PCDHGA9: variants seen among roughly 807,000 people sequenced by gnomAD.
PCDHGA9 encodes the protein protocadherin gamma subfamily A, 9, also known as protocadherin gamma-A9.
A neutral mutation model predicts 62.5 loss-of-function variants in PCDHGA9; 37 were observed. The ratio of observed to expected loss-of-function variants is 0.59; its 90% confidence interval spans 0.46 to 0.78. The LOEUF is 0.78. Among genes scored for constraint, PCDHGA9 ranks in the 30% least tolerant of loss-of-function variants. The pLI is 0.00. For synonymous variants in PCDHGA9, 459 were observed against 484.6 expected (o/e 0.95, Z 0.69); for missense variants, 1,138 against 1,166.2 (o/e 0.98, Z 0.35).
Position 141,485,665 on chromosome 5 carries a change from C to G in PCDHGA9, c.2425-9142C>G. ...AGGCTCAGGATGCAGATGTGGGGAG[C>G]AATTCGATTAGCAGCTATAGGCTGA... On this transcript the variant is annotated intron_variant, in intron 1 of 3. Coordinates refer to ENST00000573521, the MANE Select transcript of PCDHGA9 (RefSeq NM_018921.3). This position sits in a 1 kb window ranked among gnomAD's most constrained non-coding sequence, Gnocchi z 5.7. 1 of 1,612,622 alleles carries G rather than the reference C, an allele frequency of 6.2e-7. No individual in the cohort carries two copies.
At chr5:141,500,182 A>ATTT (rs1199992745) in intron 2 of PCDHGA9, among the ~76,000 whole-genome samples, 1 of 131,622 alleles carries the variant, frequency 7.6e-6, no homozygotes, top group African/African-American at 3.1e-5. Context: ...CTTCATTTTT[A>ATTT]TTTTTATTTA....
chr5:141,421,734 G>A (rs761780459), intron 1 of PCDHGA9: 1 of 1,613,948 alleles, frequency 6.2e-7, no homozygotes, highest in Non-Finnish European at 8.5e-7. Flanking sequence ...ACTCCCTCCA[G>A]AGCTACCAGC....
Position 141,403,303 on chromosome 5 carries a change from C to T in PCDHGA9, c.351C>T (p.Tyr117=), listed in dbSNP as rs1561687273. Residue 117 remains tyrosine, a synonymous_variant, in exon 1 of 4, where the codon TAC becomes TAT. Coordinates refer to ENST00000573521, the MANE Select transcript of PCDHGA9 (RefSeq NM_018921.3). ...TGGTTGAAGACAGAGTGAAACTGTACGGAATAGAAATAGAAGTAACTGATA... is the reference window on the plus strand; with the variant it reads ...TGGTTGAAGACAGAGTGAAACTGTATGGAATAGAAATAGAAGTAACTGATA... The part of the protein sequence containing the change: ...KVLVEDRVKL[Y]GIEIEVTDIN... 3 of 1,613,820 alleles carry T rather than the reference C, an allele frequency of 1.9e-6. No individual in the cohort carries two copies. Among genetic ancestry groups the T allele is most frequent in the South Asian group, 2.2e-5 (2 of 91,086 alleles).
At chr5:141,500,450 C>A (rs2099800340) in intron 2 of PCDHGA9, among the ~76,000 whole-genome samples, 1 of 152,072 alleles carries the variant, frequency 6.6e-6, no homozygotes, top group Non-Finnish European at 1.5e-5. Flanking sequence ...ACCTCGTGAT[C>A]CGCCCGCCTC....
chr5:141,499,635 A>C (rs578081078), intron 2 of PCDHGA9, among the ~76,000 whole-genome samples: 16 of 152,136 alleles, frequency 1.1e-4, no homozygotes, highest in African/African-American at 3.6e-4. Context: ...CTTTTGAAGC[A>C]AATCTCAGAC....
At chr5:141,421,849 G>C in intron 1 of PCDHGA9, 4 of 1,613,766 alleles carry the variant, frequency 2.5e-6, no homozygotes, top group Non-Finnish European at 3.4e-6. Flanking sequence ...GAAAGAGGCT[G>C]CTCACCTGCT....
intron 1 of PCDHGA9, among the ~76,000 whole-genome samples, chr5:141,433,395 CTA>C (rs1426636882): frequency 1.1e-4 from 17 of 150,770 alleles, no homozygotes; most frequent in African/African-American, 4.1e-4. Flanking sequence ...ATCTATCTAT[CTA>C]TCTATCTATT....
Position 141,403,125 on chromosome 5 carries a change from A to G in PCDHGA9, c.173A>G (p.Glu58Gly), listed in dbSNP as rs755647554. Residue 58 changes from glutamate (E) to glycine (G), a missense_variant, in exon 1 of 4, where the codon GAG (glutamate) becomes GGG (glycine). Physicochemically the swap from Glu to Gly is moderately conservative, Grantham distance 98. Coordinates refer to ENST00000573521, the MANE Select transcript of PCDHGA9 (RefSeq NM_018921.3). ...ISKDLALEPR[E>G]LAERRVRIVS... ...AAGGACCTGGCTCTGGAGCCCCGGG[A>G]GCTGGCGGAGCGCCGAGTCCGCATC... 2 of 1,614,028 alleles carry G rather than the reference A, an allele frequency of 1.2e-6. No homozygotes were observed.
rs70988802 is a variant in PCDHGA9 at position 141,450,006 on chromosome 5, C to CTATTTTTTTT, written c.2424+44631_2424+44632insATTTTTTTTT. ...CACATTGCATTTAGTTGCCATGTCTCTTTTTTTTTTTTTTTTTTGAGACAG... is the reference window on the plus strand; with the variant it reads ...CACATTGCATTTAGTTGCCATGTCTCTATTTTTTTTTTTTTTTTTTTTTTTTTTGAGACAG... On this transcript the variant is annotated intron_variant, in intron 1 of 3. Transcript: ENST00000573521. Among the ~76,000 whole-genome samples the CTATTTTTTTT allele has an allele frequency of 3.0e-5, 4 of 132,980 alleles. 1 individual carries two copies. The highest frequency in any genetic ancestry group is 5.6e-5 in the African/African-American group (2 of 35,572). 87.2% of individuals were successfully genotyped at this position (132,980 alleles called of 152,430 possible). A position where few individuals can be genotyped will look rare whatever the true frequency, so the allele number is the denominator to read the frequency against.
chr5:141,460,270 C>G (rs1223096441), intron 1 of PCDHGA9, among the ~76,000 whole-genome samples: 1 of 151,828 alleles, frequency 6.6e-6, no homozygotes, highest in Non-Finnish European at 1.5e-5. Context: ...TTTATTTTTT[C>G]TTTTATAGTT....
intron 1 of PCDHGA9, chr5:141,478,608 G>C (rs751033009): frequency 7.7e-6 from 12 of 1,558,942 alleles, no homozygotes; most frequent in Middle Eastern, 1.7e-4. Context: ...ATCATATTGA[G>C]GAAGGAATGG....
chr5:141,447,823 C>T lies in PCDHGA9; in HGVS notation c.2424+42447C>T, dbSNP rs192381755. ...AAAATTGGCTGGGCGTGGTGGCTCA[C>T]GCCTGTAATCCCAGTGCTTTGGGAG... On this transcript the variant is annotated intron_variant, in intron 1 of 3. Coordinates refer to ENST00000573521, the MANE Select transcript of PCDHGA9 (RefSeq NM_018921.3). Among the ~76,000 whole-genome samples, 677 of 152,272 alleles carry T rather than the reference C, an allele frequency of 4.4e-3. 5 individuals are homozygous for T. Among genetic ancestry groups the T allele is most frequent in the African/African-American group, 0.015 (635 of 41,548 alleles).
intron 1 of PCDHGA9, among the ~76,000 whole-genome samples, chr5:141,425,318 G>A (rs1304835508): frequency 1.3e-5 from 2 of 152,158 alleles, no homozygotes; most frequent in Non-Finnish European, 2.9e-5. Context: ...TCCCAAGATC[G>A]TGGAGAACAA....
At chr5:141,498,796 G>C (rs1160540093) in intron 2 of PCDHGA9, among the ~76,000 whole-genome samples, 1 of 152,032 alleles carries the variant, frequency 6.6e-6, no homozygotes, top group African/African-American at 2.4e-5. Context: ...AGCCAGGTGT[G>C]GTGGTGCACA....
At chr5:141,419,552 C>T in intron 1 of PCDHGA9, 1 of 1,612,014 alleles carries the variant, frequency 6.2e-7, no homozygotes, top group Non-Finnish European at 8.5e-7. Flanking sequence ...GGTGCTGTAC[C>T]CTGCGCTGGG....
chr5:141,421,220 A>G (rs1178268746), intron 1 of PCDHGA9: 2 of 1,575,620 alleles, frequency 1.3e-6, no homozygotes, highest in Non-Finnish European at 1.7e-6. Flanking sequence ...ATCGGCTTAG[A>G]GCCTGCCATG....
chr5:141,455,897 T>C (rs1330516646), intron 1 of PCDHGA9, among the ~76,000 whole-genome samples: 1 of 149,800 alleles, frequency 6.7e-6, no homozygotes, highest in African/African-American at 2.4e-5. Flanking sequence ...ATTTATTTAT[T>C]TATTTATTTA....
chr5:141,472,980 C>CAAAAAAAAAAAAAAAAAGAAAAAAAA (rs2099309731), intron 1 of PCDHGA9, among the ~76,000 whole-genome samples: 1 of 86,100 alleles, frequency 1.2e-5, no homozygotes, highest in African/African-American at 3.9e-5. Flanking sequence ...GAGTGAAACT[C>CAAAAAAAAAAAAAAAAAGAAAAAAAA]AAAAAAAAAA....
chr5:141,462,268 A>C (rs982301403), intron 1 of PCDHGA9, among the ~76,000 whole-genome samples: 3 of 152,196 alleles, frequency 2.0e-5, no homozygotes, highest in African/African-American at 7.2e-5. Flanking sequence ...CCTAAAGTGT[A>C]TTGTTTAGTC....
Sources: gnomAD v4.1 joint callset for allele counts (sites outside exome capture counted in the v4.1 genomes callset) on GRCh38, gnomAD v4.1.1 for gene constraint, Gnocchi (gnomAD v3.1) non-coding constraint, MANE v1.5 for transcripts, NCBI Gene and HGNC (gene_info 2026-07-23, HGNC 2026-07-21) for gene names.